The following MEF2C variants were observed in gnomAD, a reference collection of about 807,000 sequenced individuals.
MEF2C encodes myocyte-specific enhancer factor 2C.
MEF2C carries 6 observed loss-of-function variants against 50.5 expected under a neutral mutation model. That is an observed-to-expected ratio of 0.12 (90% CI 0.07 to 0.23). MEF2C has a LOEUF of 0.23. Ranked by LOEUF, MEF2C falls within the 10% of genes least tolerant of loss-of-function variation. The pLI is 1.00. For missense variants in MEF2C, 276 were observed against 605.0 expected (o/e 0.46, Z 5.70); for synonymous variants, 183 against 228.0 (o/e 0.80, Z 1.78).
At chr5:88,896,032 C>A (rs1835081642) in intron 1 of MEF2C, among the ~76,000 whole-genome samples, 1 of 152,132 alleles carries the variant, frequency 6.6e-6, no homozygotes. Context: ...TGTCTCAGGT[C>A]CCTCCCACCA....
At chr5:88,744,658 C>T (rs1185382764) in intron 6 of MEF2C, among the ~76,000 whole-genome samples, 1 of 152,210 alleles carries the variant, frequency 6.6e-6, no homozygotes, top group Non-Finnish European at 1.5e-5. Flanking sequence ...GAATAACCAT[C>T]AACTGAAACC....
At chr5:88,748,139 A>T in intron 6 of MEF2C, 1 of 981,914 alleles carries the variant, frequency 1.0e-6, no homozygotes, top group Non-Finnish European at 1.2e-6. Context: ...AGATATATTT[A>T]TAAAAATGTA....
Position 88,768,460 on chromosome 5 carries a change from G to A in MEF2C, c.259-7132C>T, listed in dbSNP as rs61564646. On this transcript the variant is annotated intron_variant, in intron 3 of 10. Coordinates refer to ENST00000504921, the MANE Select transcript of MEF2C (RefSeq NM_002397.5). ...TGCTACTATATGTCAGGTGCTGCCAGTGGTCCTCTGGATGCTAAGATGATT... is the reference window on the plus strand; with the variant it reads ...TGCTACTATATGTCAGGTGCTGCCAATGGTCCTCTGGATGCTAAGATGATT... Among the ~76,000 whole-genome samples, 684 of 152,294 alleles carry A rather than the reference G, an allele frequency of 4.5e-3. 2 individuals are homozygous for A. The highest frequency in any genetic ancestry group is 0.016 in the African/African-American group (659 of 41,562).
intron 3 of MEF2C, among the ~76,000 whole-genome samples, chr5:88,797,935 T>C (rs547954854): frequency 6.6e-6 from 1 of 152,366 alleles, no homozygotes; most frequent in Admixed American, 6.5e-5. Flanking sequence ...AAATTCTGGG[T>C]TGAAAATTCT....
intron 4 of MEF2C, among the ~76,000 whole-genome samples, chr5:88,757,253 T>TA (rs905397421): frequency 2.0e-5 from 3 of 152,138 alleles, no homozygotes; most frequent in Admixed American, 1.3e-4. Context: ...AAAAGTCCAA[T>TA]AAAAAAATCA....
At chr5:88,886,823 C>A (rs954732820), upstream of MEF2C, among the ~76,000 whole-genome samples, 1 of 152,172 alleles carries the variant, frequency 6.6e-6, no homozygotes, top group African/African-American at 2.4e-5. Context: ...GCATGCTCCT[C>A]GGGATTTTAA....
intron 4 of MEF2C, 57 bp from the exon 5 acceptor site, chr5:88,752,100 T>G: frequency 1.0e-5 from 15 of 1,455,248 alleles, no homozygotes; most frequent in South Asian, 1.4e-5. Flanking sequence ...ACAGAAGCTC[T>G]TCAAGACAGA....
At chr5:88,741,516 T>A in intron 6 of MEF2C, 1 of 985,432 alleles carries the variant, frequency 1.0e-6, no homozygotes, top group Non-Finnish European at 1.2e-6. Flanking sequence ...AAAATTTTGG[T>A]CCATGGTTTT....
At chr5:88,782,502 A>G (rs1316957000) in intron 3 of MEF2C, among the ~76,000 whole-genome samples, 1 of 152,056 alleles carries the variant, frequency 6.6e-6, no homozygotes, top group Non-Finnish European at 1.5e-5. Flanking sequence ...AACGAAAACA[A>G]CAAACGCAAC....
intron 1 of MEF2C, among the ~76,000 whole-genome samples, chr5:88,851,243 A>AC (rs1367503587): frequency 6.6e-6 from 1 of 151,758 alleles, no homozygotes; most frequent in Non-Finnish European, 1.5e-5. Flanking sequence ...CAAAAAAAAA[A>AC]AAAAAAAAAG....
intron 6 of MEF2C, among the ~76,000 whole-genome samples, chr5:88,744,366 C>A (rs1347593255): frequency 2.0e-5 from 3 of 152,142 alleles, no homozygotes; most frequent in Non-Finnish European, 4.4e-5. Flanking sequence ...CCAGCCTGGA[C>A]AACGGGTGAA....
chr5:88,737,218 A>G, intron 6 of MEF2C: 4 of 985,110 alleles, frequency 4.1e-6, no homozygotes, highest in Non-Finnish European at 4.8e-6. Flanking sequence ...ACTTGAGAAA[A>G]TTTTATATTT....
intron 3 of MEF2C, among the ~76,000 whole-genome samples, chr5:88,777,118 G>A (rs1482121434): frequency 2.6e-5 from 4 of 152,098 alleles, no homozygotes; most frequent in South Asian, 2.1e-4. Flanking sequence ...TATTTTGTTA[G>A]TTCAGTGATG....
At chr5:88,815,919 C>T (rs1805114156) in intron 2 of MEF2C, among the ~76,000 whole-genome samples, 1 of 151,850 alleles carries the variant, frequency 6.6e-6, no homozygotes, top group Non-Finnish European at 1.5e-5. Context: ...ATTTGCAAAG[C>T]TAAAGGTGAC....
intron 6 of MEF2C, chr5:88,737,106 A>G: frequency 1.0e-6 from 1 of 985,178 alleles, no homozygotes; most frequent in Non-Finnish European, 1.2e-6. Flanking sequence ...TATTCAGGAA[A>G]GGCACTAAAA....
Position 88,815,832 on chromosome 5 carries a change from C to T in MEF2C, c.54+7903G>A, listed in dbSNP as rs1319990453. Among the ~76,000 whole-genome samples, 6 of 151,758 alleles carry T rather than the reference C, an allele frequency of 4.0e-5. No homozygotes were observed. The East Asian group carries it at 5.8e-4, about 15-fold the overall frequency. ...AATCTACAGTTTGGAAGAAACTTCTCGGTGTATGTAGTCTATTTATAATGT... is the reference window on the plus strand; with the variant it reads ...AATCTACAGTTTGGAAGAAACTTCTTGGTGTATGTAGTCTATTTATAATGT... On this transcript the variant is annotated intron_variant, in intron 2 of 10. Transcript: ENST00000504921.
At chr5:88,820,698 G>T (rs1807907103) in intron 2 of MEF2C, among the ~76,000 whole-genome samples, 2 of 152,002 alleles carry the variant, frequency 1.3e-5, no homozygotes, top group Non-Finnish European at 2.9e-5. Context: ...TTCAAAGAGG[G>T]CAAAGCATTT....
intron 1 of MEF2C, among the ~76,000 whole-genome samples, chr5:88,894,557 C>T (rs1413076805): frequency 1.3e-5 from 2 of 152,084 alleles, no homozygotes; most frequent in Non-Finnish European, 2.9e-5. Context: ...TTGGCAAATC[C>T]TTATCATTAA....
chr5:88,880,323 A>G (rs571792620), intron 1 of MEF2C, among the ~76,000 whole-genome samples: 3 of 152,240 alleles, frequency 2.0e-5, no homozygotes, highest in African/African-American at 4.8e-5. Context: ...TTGCATATTA[A>G]ATTCTTCTAT....
Sources: allele counts gnomAD v4.1 joint callset (sites outside exome capture counted in the v4.1 genomes callset), GRCh38; gene constraint gnomAD v4.1.1; transcripts MANE v1.5; gene names NCBI Gene and HGNC (gene_info 2026-07-23, HGNC 2026-07-21).